HTN3: variants seen among roughly 807,000 people sequenced by gnomAD.
The protein encoded by HTN3 is histatin-3.
HTN3 carries 15 observed loss-of-function variants against 10.6 expected under a neutral mutation model. The observed-to-expected ratio is 1.42, with a 90% CI of 0.95 to 2.18. The LOEUF is 2.18. Ranked by LOEUF, HTN3 falls within the 30% of genes most tolerant of loss-of-function variation. The pLI, the probability that HTN3 is intolerant of heterozygous loss-of-function variation, is 0.00. For synonymous variants in HTN3, 15 were observed against 16.9 expected, an observed-to-expected ratio of 0.89 and a Z score of 0.27; for missense variants, 68 against 58.0, an observed-to-expected ratio of 1.17 and a Z score of -0.56.
At chr4:70,031,853 CA>C in intron 2 of HTN3, 125 bp from the exon 3 acceptor site, 2 of 664,162 alleles carry the variant, frequency 3.0e-6, no homozygotes, top group Non-Finnish European at 5.3e-6. Flanking sequence ...ACTAATTTAG[CA>C]TGTCATCATC....
At chr4:70,034,276 G>A (rs762123539) in intron 5 of HTN3, 84 of 152,054 alleles carry the variant, frequency 5.5e-4, no homozygotes, top group Admixed American at 5.4e-3. Context: ...AGGTAACTTA[G>A]AGATTGGGAG....
chr4:70,034,187 A>G (rs1334659010), intron 5 of HTN3: 1 of 152,240 alleles, frequency 6.6e-6, no homozygotes, highest in African/African-American at 2.4e-5. Context: ...CAATGGCAAC[A>G]AAAGCCAAAA....
intron 4 of HTN3, 91 bp downstream of exon 4, chr4:70,032,198 A>ATATT: frequency 1.2e-6 from 1 of 854,860 alleles, no homozygotes; most frequent in Non-Finnish European, 1.9e-6. Flanking sequence ...TCTCTCAAAT[A>ATATT]TATTTATATC....
In HTN3 at chr4:70,032,060, T is replaced by TTTC. The variant is rs1343568663; in HGVS notation, c.73-15_73-13dup. ...TAATCATATATTGAATTTTTAATCT[T>TTTC]TTCTTTTTATTTCATAGAGACATCA... is the stretch of plus-strand genomic sequence containing the variant. On this transcript the variant is annotated splice_polypyrimidine_tract_variant and intron_variant, in intron 3 of 5. Coordinates refer to ENST00000673563, the MANE Select transcript of HTN3 (RefSeq NM_000200.3). The TTTC allele has an allele frequency of 1.5e-5, 23 of 1,531,834 alleles. No individual in the cohort carries two copies. The highest frequency in any genetic ancestry group is 2.1e-5 in the Non-Finnish European group (23 of 1,112,432). The allele number at this position is 1,531,834 out of a possible 1,614,324, so 94.9% of individuals were successfully genotyped here. A position where few individuals can be genotyped will look rare whatever the true frequency, so the allele number is the denominator to read the frequency against.
intron 2 of HTN3, among the ~76,000 whole-genome samples, chr4:70,031,744 A>G (rs976275186): frequency 6.6e-6 from 1 of 152,112 alleles, no homozygotes; most frequent in African/African-American, 2.4e-5. Flanking sequence ...TTCATAAAAA[A>G]GATATATAAA....
At chr4:70,032,441 T>G (rs1359102566) in intron 4 of HTN3, among the ~76,000 whole-genome samples, 2 of 152,056 alleles carry the variant, frequency 1.3e-5, no homozygotes, top group African/African-American at 4.8e-5. Context: ...GTATAACATA[T>G]GCCTAATGAA....
At chr4:70,029,545 A>T (rs1434221399) in intron 1 of HTN3, among the ~76,000 whole-genome samples, 7 of 152,096 alleles carry the variant, frequency 4.6e-5, no homozygotes, top group East Asian at 3.9e-4. Context: ...GATTAGAAAA[A>T]TTTTTTAAAA....
intron 5 of HTN3, among the ~76,000 whole-genome samples, chr4:70,034,880 G>A (rs1725475958): frequency 6.6e-6 from 1 of 152,164 alleles, no homozygotes. Context: ...TAAAAGGAAT[G>A]AGATCCTGTC....
At position 70,034,767 on chromosome 4, in the gene HTN3, C is replaced by T. The variant is rs551323528; in HGVS notation, c.*34-1500C>T. Among the ~76,000 whole-genome samples, 47 of 152,288 alleles carry T rather than the reference C, an allele frequency of 3.1e-4. 1 individual carries two copies. The South Asian group carries it at 9.5e-3, about 31-fold the overall frequency. On this transcript the variant is annotated intron_variant, in intron 5 of 5. Coordinates refer to ENST00000673563, the MANE Select transcript of HTN3 (RefSeq NM_000200.3). Reference sequence around the variant, plus strand: ...ATGCCTAGATATGTTTATTGCAGCACTATTTACAATAGCAAAGACATGGAA... The same window carrying T: ...ATGCCTAGATATGTTTATTGCAGCATTATTTACAATAGCAAAGACATGGAA...
intron 5 of HTN3, among the ~76,000 whole-genome samples, chr4:70,035,978 G>A (rs1016586465): frequency 1.3e-5 from 2 of 152,042 alleles, no homozygotes; most frequent in Non-Finnish European, 2.9e-5. Context: ...TAGATGAAAT[G>A]TGTAGGCTAT....
At chr4:70,036,107 A>G (rs1187648116) in intron 5 of HTN3, among the ~76,000 whole-genome samples, 160 bp from the exon 6 acceptor site, 1 of 152,174 alleles carries the variant, frequency 6.6e-6, no homozygotes, top group Non-Finnish European at 1.5e-5. Context: ...ATGAGTATTT[A>G]ATTGTTTAAT....
intron 1 of HTN3, among the ~76,000 whole-genome samples, chr4:70,029,013 C>T (rs898426956): frequency 2.0e-5 from 3 of 151,966 alleles, no homozygotes; most frequent in Non-Finnish European, 4.4e-5. Flanking sequence ...TACTGTATAA[C>T]AATTAGTCTT....
chr4:70,033,248 A>AC lies in HTN3; in HGVS notation c.*28_*29insC. The stretch of plus-strand genomic sequence containing the variant: ...TCTTCAGTAATCACGGGGCATGATT[A>AC]TGGAGGTAAGCTGACTCTAGTTACT... On this transcript the variant is annotated 3_prime_UTR_variant, in exon 5 of 6. Transcript: ENST00000673563. 6 of 1,407,292 alleles carry AC rather than the reference A, an allele frequency of 4.3e-6. No individual in the cohort carries two copies. Among genetic ancestry groups the AC allele is most frequent in the Non-Finnish European group, 6.0e-6 (6 of 1,000,500 alleles). 87.2% of individuals were successfully genotyped at this position (1,407,292 alleles called of 1,614,324 possible).
At chr4:70,032,465 C>T (rs567449635) in intron 4 of HTN3, among the ~76,000 whole-genome samples, 5 of 151,958 alleles carry the variant, frequency 3.3e-5, no homozygotes, top group South Asian at 2.1e-4. Flanking sequence ...TAGAGGCTAC[C>T]CATGTAATGT....
At chr4:70,031,436 G>T (rs1231013072) in intron 2 of HTN3, 1 of 152,782 alleles carries the variant, frequency 6.5e-6, no homozygotes, top group Non-Finnish European at 1.5e-5. Context: ...TAGAAAATTG[G>T]TCACAAAAGA....
chr4:70,028,603 A>G (rs1475102799), intron 1 of HTN3, 87 bp downstream of exon 1: 1 of 152,158 alleles, frequency 6.6e-6, no homozygotes, highest in Non-Finnish European at 1.5e-5. Context: ...ATGAAAATGT[A>G]TATTATCTAT....
At chr4:70,034,061 T>G (rs1385578042) in intron 5 of HTN3, 1 of 152,008 alleles carries the variant, frequency 6.6e-6, no homozygotes, top group Non-Finnish European at 1.5e-5. Flanking sequence ...TAACTCAAGA[T>G]GGATTGAAAA....
intron 2 of HTN3, chr4:70,031,049 G>A (rs1725372590): frequency 3.1e-6 from 1 of 324,182 alleles, no homozygotes; most frequent in South Asian, 3.7e-5. Flanking sequence ...ATAAATATGT[G>A]GGACTGAGAA....
In HTN3 at chr4:70,030,799, T is replaced by C. The variant is rs1450325212; in HGVS notation, c.51+8T>C. 1.2e-6 allele frequency: 2 copies of C among 1,604,972 alleles called. No homozygotes were observed. The highest frequency in any genetic ancestry group is 2.2e-5 in the East Asian group (1 of 44,784). On this transcript the variant is annotated splice_region_variant and intron_variant, in intron 2 of 5. Transcript: ENST00000673563. ...CTCATGCTTTCCATGACTGTAAGTATATCTGGAAGTTTTAAAGGATACATT... is the reference window on the plus strand; with the variant it reads ...CTCATGCTTTCCATGACTGTAAGTACATCTGGAAGTTTTAAAGGATACATT...
Sources: gnomAD v4.1 joint callset for allele counts (sites outside exome capture counted in the v4.1 genomes callset) on GRCh38, gnomAD v4.1.1 for gene constraint, MANE v1.5 for transcripts, NCBI Gene and HGNC (gene_info 2026-07-23, HGNC 2026-07-21) for gene names.